The following LRRC9 variants were observed in gnomAD, a reference collection of about 807,000 sequenced individuals.
The protein encoded by LRRC9 is leucine-rich repeat-containing protein 9.
Under a neutral mutation model 63.2 loss-of-function variants are expected in LRRC9, and 122 were observed. That is an observed-to-expected ratio of 1.93 (90% confidence interval 1.67 to 2.24). The LOEUF (loss-of-function observed/expected upper bound fraction) is 2.24, where lower values mean the gene tolerates loss of function less well. Ranked by LOEUF, LRRC9 falls within the 30% of genes most tolerant of loss-of-function variation. The pLI, the probability that LRRC9 is intolerant of heterozygous loss-of-function variation, is 0.00. For synonymous variants in LRRC9, 366 were observed against 213.1 expected (o/e 1.72, Z -6.25); for missense variants, 1,071 against 627.7 (o/e 1.71, Z -7.55).
At position 59,942,619 on chromosome 14, in the gene LRRC9, T is replaced by C. The variant is rs1881896002; in HGVS notation, c.727-1970T>C. ...GGCAGGTGCCTGTAATACCAGCTAC[T>C]CAGGAGGCTGAGGCAGGAGAATCAC... is the stretch of plus-strand genomic sequence containing the variant. On this transcript the variant is annotated intron_variant, in intron 7 of 31. Transcript: ENST00000445360. The surrounding 1 kb of genome is among the most constrained non-coding windows in gnomAD (Gnocchi z 5.3). 6.6e-6 allele frequency among the ~76,000 whole-genome samples: 1 copy of C among 152,090 alleles called. No homozygotes were observed. The highest frequency in any genetic ancestry group is 2.4e-5 in the African/African-American group (1 of 41,416).
chr14:59,945,962 A>G (rs1440238846), intron 8 of LRRC9, among the ~76,000 whole-genome samples: 2 of 152,004 alleles, frequency 1.3e-5, no homozygotes, highest in African/African-American at 4.8e-5. Context: ...GTGACACACT[A>G]GATACCACTT....
chr14:60,030,888 G>A (rs529291936), intron 28 of LRRC9, among the ~76,000 whole-genome samples: 34 of 151,990 alleles, frequency 2.2e-4, no homozygotes, highest in African/African-American at 7.2e-4. Flanking sequence ...CCACAATTAT[G>A]GACATATTAG....
intron 8 of LRRC9, among the ~76,000 whole-genome samples, chr14:59,959,422 T>C (rs1884128649): frequency 6.6e-6 from 1 of 152,226 alleles, no homozygotes; most frequent in South Asian, 2.1e-4. Context: ...TTGAAAAGTA[T>C]GTGTGTTAAA....
In LRRC9 at chr14:60,054,527, A is replaced by G. The variant is rs138366039; in HGVS notation, c.4131+1322A>G. Among the ~76,000 whole-genome samples, 49 of 152,286 alleles carry G rather than the reference A, an allele frequency of 3.2e-4. No individual in the cohort carries two copies. The East Asian group carries it at 9.1e-3, about 28-fold the overall frequency. ...ATTATTTTTAAAAGCTAGACAGATT[A>G]TTGTGTTCAGATTTTTTCCACATGC... is the stretch of plus-strand genomic sequence containing the variant. On this transcript the variant is annotated intron_variant, in intron 30 of 31. Transcript: ENST00000445360.
chr14:60,035,173 T>C (rs1293188290), intron 29 of LRRC9, among the ~76,000 whole-genome samples: 1 of 152,148 alleles, frequency 6.6e-6, no homozygotes, highest in Non-Finnish European at 1.5e-5. Flanking sequence ...TCAGATCTTT[T>C]AACAGTTTTA....
intron 12 of LRRC9, chr14:59,969,029 C>A (rs531559114): frequency 2.0e-5 from 3 of 151,894 alleles, no homozygotes; most frequent in African/African-American, 7.3e-5. Flanking sequence ...GTATTTTGGA[C>A]GTATTAGATT....
chr14:60,026,968 TA>T (rs1891605103), intron 27 of LRRC9, among the ~76,000 whole-genome samples: 1 of 152,032 alleles, frequency 6.6e-6, no homozygotes, highest in Non-Finnish European at 1.5e-5. Flanking sequence ...TTTCTCCAAA[TA>T]CAGTCACATT....
exon 8 of LRRC9, chr14:59,944,682 A>G: frequency 1.5e-6 from 1 of 665,778 alleles, no homozygotes; most frequent in East Asian, 2.8e-5. Flanking sequence ...GAATGATCAA[A>G]AATGCAAATT....
intron 1 of LRRC9, among the ~76,000 whole-genome samples, chr14:59,926,714 A>T (rs1462952412): frequency 1.3e-5 from 2 of 152,128 alleles, no homozygotes; most frequent in African/African-American, 2.4e-5. Flanking sequence ...TATGAGTATT[A>T]CTCATTGTGT....
chr14:59,985,849 T>C (rs893487389), intron 17 of LRRC9, among the ~76,000 whole-genome samples: 1 of 152,194 alleles, frequency 6.6e-6, no homozygotes, highest in African/African-American at 2.4e-5. Flanking sequence ...GTACCAGTGG[T>C]CATATCTCAT....
intron 25 of LRRC9, among the ~76,000 whole-genome samples, chr14:60,018,885 A>C (rs944661350): frequency 3.3e-5 from 5 of 151,044 alleles, no homozygotes; most frequent in Non-Finnish European, 7.4e-5. Flanking sequence ...TGGAGAAATC[A>C]GGAGAACAGA....
At chr14:59,979,250 A>C (rs1442885109) in intron 15 of LRRC9, among the ~76,000 whole-genome samples, 1 of 152,188 alleles carries the variant, frequency 6.6e-6, no homozygotes, top group Non-Finnish European at 1.5e-5. Flanking sequence ...AACTTTAAAA[A>C]TTTAAAAAAT....
At chr14:60,016,618 A>C (rs949451171) in intron 23 of LRRC9, 42 bp from the exon 24 acceptor site, 1 of 648,510 alleles carries the variant, frequency 1.5e-6, no homozygotes, top group African/African-American at 1.8e-5. Flanking sequence ...TAATTTAGTC[A>C]TCTGTAAGAC....
chr14:59,949,804 G>T (rs1193434794), intron 8 of LRRC9, among the ~76,000 whole-genome samples: 4 of 147,936 alleles, frequency 2.7e-5, no homozygotes, highest in Non-Finnish European at 5.9e-5. Context: ...TAGTTGAGCG[G>T]CTTTGAGTGA....
At chr14:60,043,742 G>A (rs956381705) in intron 29 of LRRC9, among the ~76,000 whole-genome samples, 46 of 126,630 alleles carry the variant, frequency 3.6e-4, no homozygotes, top group African/African-American at 1.3e-3. Context: ...AGCGTAGCCT[G>A]TAGTTTTCTT....
intron 26 of LRRC9, among the ~76,000 whole-genome samples, chr14:60,021,568 G>A (rs1408363349): frequency 6.6e-6 from 1 of 151,794 alleles, no homozygotes; most frequent in Non-Finnish European, 1.5e-5. Context: ...CTAACCTAAG[G>A]TCACAAAGAT....
rs1433154768 is a variant in LRRC9, at chr14:59,931,455, G to C, written c.409-164G>C. ...CAATAATTCTGAGTTCCAGTATAGA[G>C]AACAAAGGTGGCTTCTTGGAGGCAC... On this transcript the variant is annotated intron_variant, in intron 4 of 31. Transcript: ENST00000445360. 6.5e-4 allele frequency among the ~76,000 whole-genome samples: 99 copies of C among 151,994 alleles called. 1 individual carries two copies. The highest frequency in any genetic ancestry group is 1.5e-4 in the Non-Finnish European group (10 of 67,964).
chr14:60,059,081 C>T (rs1460356912), intron 31 of LRRC9: 1 of 152,148 alleles, frequency 6.6e-6, no homozygotes, highest in Non-Finnish European at 1.5e-5. Flanking sequence ...GATTCATCTT[C>T]ATAACTTCCT....
At position 60,003,897 on chromosome 14, in the gene LRRC9, C is replaced by A; in HGVS notation, c.2842+99C>A. ...ACAGAGTTTCTGAAGAGGAAGATCT[C>A]TAGGAAAGTTCCAAGTTTTTGTGGC... On this transcript the variant is annotated intron_variant, in intron 21 of 31. Coordinates refer to ENST00000445360, the Ensembl canonical transcript of LRRC9. This position sits in a 1 kb window ranked among gnomAD's most constrained non-coding sequence, Gnocchi z 4.2. The A allele has an allele frequency of 1.9e-6, 1 of 516,244 alleles. No individual in the cohort carries two copies. Among genetic ancestry groups the A allele is most frequent in the Non-Finnish European group, 3.4e-6 (1 of 295,210 alleles). The allele number at this position is 516,244 out of a possible 1,614,324, so 32.0% of individuals were successfully genotyped here. A position where few individuals can be genotyped will look rare whatever the true frequency, so the allele number is the denominator to read the frequency against.
Sources: allele counts gnomAD v4.1 joint callset (sites outside exome capture counted in the v4.1 genomes callset), GRCh38; gene constraint gnomAD v4.1.1; non-coding constraint Gnocchi (gnomAD v3.1); transcripts MANE v1.5; gene names NCBI Gene and HGNC (gene_info 2026-07-23, HGNC 2026-07-21).